The following CAST variants were observed in gnomAD, a reference collection of about 807,000 sequenced individuals.
CAST encodes calpastatin.
Under a neutral mutation model 119.6 loss-of-function variants are expected in CAST, and 76 were observed. That is an observed-to-expected ratio of 0.64 (90% CI 0.53 to 0.77). CAST has a LOEUF of 0.77. CAST is among the 30% of genes least tolerant of loss of function. The probability of loss-of-function intolerance (pLI) is 0.00; values close to 1 mark genes in which losing one functional copy is unlikely to be tolerated. For missense variants in CAST, 953 were observed against 946.5 expected, an observed-to-expected ratio of 1.01 and a Z score of -0.09; for synonymous variants, 319 against 331.6, an observed-to-expected ratio of 0.96 and a Z score of 0.41.
At chr5:96,356,893 A>T in the CAST span, among the ~76,000 whole-genome samples, 1 of 152,194 alleles carries the variant, frequency 6.6e-6, no homozygotes, top group Admixed American at 6.5e-5. Context: ...CTTGATGTGG[A>T]TAGCATTGAG....
chr5:96,052,641 A>G, the CAST span, among the ~76,000 whole-genome samples: 2 of 152,184 alleles, frequency 1.3e-5, no homozygotes, highest in African/African-American at 4.8e-5. Flanking sequence ...TGTTGCTTCA[A>G]ATGATCAAAT....
the CAST span, among the ~76,000 whole-genome samples, chr5:96,201,116 T>A: frequency 1.3e-5 from 2 of 152,092 alleles, no homozygotes; most frequent in Non-Finnish European, 1.5e-5. Flanking sequence ...ATGTTTAGAA[T>A]TATCTGCAAT....
the CAST span, chr5:96,421,992 TTAAAAAA>T: frequency 7.2e-5 from 28 of 388,346 alleles, no homozygotes; most frequent in Non-Finnish European, 1.1e-4. Flanking sequence ...TGTGGCAGCA[TTAAAAAA>T]AAAAAAAAAA....
chr5:96,718,594 C>T (rs376016373), intron 3 of CAST, among the ~76,000 whole-genome samples: 13 of 151,648 alleles, frequency 8.6e-5, no homozygotes, highest in African/African-American at 2.9e-4. Context: ...AAGAGGCTTC[C>T]GGAAGAAAAC....
the CAST span, among the ~76,000 whole-genome samples, chr5:96,150,343 C>T: frequency 1.3e-5 from 2 of 152,138 alleles, no homozygotes; most frequent in African/African-American, 2.4e-5. Context: ...GAAGGCTTAG[C>T]GTTCTTGGAG....
At chr5:96,016,937 C>T in the CAST span, among the ~76,000 whole-genome samples, 1 of 149,434 alleles carries the variant, frequency 6.7e-6, no homozygotes, top group Non-Finnish European at 1.5e-5. Context: ...CCTGGGTTCA[C>T]ACCATTCTCC....
the CAST span, among the ~76,000 whole-genome samples, chr5:96,484,573 A>G: frequency 6.6e-6 from 1 of 152,132 alleles, no homozygotes. Flanking sequence ...CATGATTCTC[A>G]GTTTCTATGA....
intron 1 of CAST, among the ~76,000 whole-genome samples, chr5:96,534,737 G>GAGAA (rs1554066245): frequency 0.087 from 1,234 of 14,138 alleles, 155 homozygotes; most frequent in East Asian, 0.21. Context: ...GAGAGAGAGA[G>GAGAA]AGAGAAAGAA....
At chr5:96,535,119 T>C (rs1331892133) in intron 1 of CAST, among the ~76,000 whole-genome samples, 1 of 152,116 alleles carries the variant, frequency 6.6e-6, no homozygotes, top group East Asian at 1.9e-4. Context: ...ACCTTGTAAA[T>C]TCAATAAATA....
the CAST span, among the ~76,000 whole-genome samples, chr5:96,270,854 C>T: frequency 6.6e-6 from 1 of 151,614 alleles, no homozygotes; most frequent in Non-Finnish European, 1.5e-5. Flanking sequence ...GCACACATAC[C>T]CCTGAACTTA....
At chr5:96,211,344 T>C in the CAST span, among the ~76,000 whole-genome samples, 1 of 151,994 alleles carries the variant, frequency 6.6e-6, no homozygotes, top group African/African-American at 2.4e-5. Context: ...TGAGAGCTTT[T>C]GGTATGAATT....
chr5:96,109,772 G>C, the CAST span, among the ~76,000 whole-genome samples: 2 of 152,146 alleles, frequency 1.3e-5, no homozygotes, highest in African/African-American at 4.8e-5. Flanking sequence ...AGAAGCGGTA[G>C]AGTAGTTTTC....
the CAST span, among the ~76,000 whole-genome samples, chr5:96,190,231 T>G: frequency 6.6e-6 from 1 of 152,180 alleles, no homozygotes. Flanking sequence ...AGGCAGCTCA[T>G]TCAGTATCTT....
intron 2 of CAST, among the ~76,000 whole-genome samples, chr5:96,687,075 G>T (rs1417738035): frequency 2.0e-5 from 3 of 152,186 alleles, no homozygotes; most frequent in Non-Finnish European, 4.4e-5. Flanking sequence ...CAGGGCCAGG[G>T]ATCGTTGGAT....
chr5:96,554,437 A>T (rs1746194045), intron 1 of CAST, among the ~76,000 whole-genome samples: 1 of 152,244 alleles, frequency 6.6e-6, no homozygotes, highest in Non-Finnish European at 1.5e-5. Flanking sequence ...TGTAAGACGT[A>T]GGACCATAAA....
chr5:96,749,942 G>A (rs1561577168), intron 19 of CAST, among the ~76,000 whole-genome samples: 1 of 152,030 alleles, frequency 6.6e-6, no homozygotes, highest in South Asian at 2.1e-4. Flanking sequence ...TTAAACACAG[G>A]CTGCTAGACT....
chr5:96,396,614 A>G, the CAST span, among the ~76,000 whole-genome samples: 2 of 151,976 alleles, frequency 1.3e-5, no homozygotes, highest in Non-Finnish European at 2.9e-5. Context: ...GCTGATATTT[A>G]TTACACTTTT....
At chr5:96,687,476 A>G (rs1306863395) in intron 2 of CAST, among the ~76,000 whole-genome samples, 1 of 152,262 alleles carries the variant, frequency 6.6e-6, no homozygotes, top group African/African-American at 2.4e-5. Context: ...ATTAAGAAAC[A>G]TCAAATAAGA....
Position 96,726,860 on chromosome 5 carries a change from G to A in CAST, c.336+1G>A, listed in dbSNP as rs904918580. The A allele has an allele frequency of 6.8e-6, 11 of 1,609,514 alleles. No homozygotes were observed. The highest frequency in any genetic ancestry group is 9.4e-6 in the Non-Finnish European group (11 of 1,176,278). On this transcript the variant is annotated splice_donor_variant, in intron 5 of 31. Coordinates refer to ENST00000675179, the MANE Select transcript of CAST (RefSeq NM_001750.7). LOFTEE classifies it high-confidence loss of function. Reference sequence around the variant, plus strand: ...TAACAAGAAAAAACACAAAAAACAGGTGATGTTGTTCATTGTACTAGGGCA... The same window carrying A: ...TAACAAGAAAAAACACAAAAAACAGATGATGTTGTTCATTGTACTAGGGCA...
Sources: gnomAD v4.1 joint callset for allele counts (sites outside exome capture counted in the v4.1 genomes callset) on GRCh38, gnomAD v4.1.1 for gene constraint, MANE v1.5 for transcripts, NCBI Gene and HGNC (gene_info 2026-07-23, HGNC 2026-07-21) for gene names.